Variants in MTMR10 observed in about 807,000 individuals in gnomAD.
The protein encoded by MTMR10 is myotubularin related protein 10.
A neutral mutation model predicts 88.1 loss-of-function variants in MTMR10; 56 were observed. The observed-to-expected ratio is 0.64, with a 90% CI of 0.51 to 0.79. The LOEUF (loss-of-function observed/expected upper bound fraction) is 0.79. Ranked by LOEUF, MTMR10 falls within the 30% of genes least tolerant of loss-of-function variation. MTMR10 has a pLI of 0.00. For missense variants in MTMR10, 883 were observed against 924.7 expected (o/e 0.95, Z 0.58); for synonymous variants, 380 against 340.9 (o/e 1.11, Z -1.26).
chr15:30,984,631 C>T (rs1459182049), intron 2 of MTMR10, among the ~76,000 whole-genome samples: 2 of 152,152 alleles, frequency 1.3e-5, no homozygotes, highest in Non-Finnish European at 2.9e-5. Flanking sequence ...GACATCTATA[C>T]AACAATGGCT....
chr15:30,962,402 T>A (rs2063414095), intron 6 of MTMR10, among the ~76,000 whole-genome samples: 1 of 152,178 alleles, frequency 6.6e-6, no homozygotes, highest in South Asian at 2.1e-4. Context: ...TCTGCTGCAT[T>A]TAAACCAGCC....
At chr15:30,937,643 G>A (rs1209498572), downstream of MTMR10, among the ~76,000 whole-genome samples, 2 of 151,264 alleles carry the variant, frequency 1.3e-5, no homozygotes, top group East Asian at 4.0e-4. Flanking sequence ...GTAGAGACGG[G>A]GTTTCACCAT....
intron 10 of MTMR10, 116 bp from the exon 11 acceptor site, chr15:30,953,747 C>T (rs1422421510): frequency 1.5e-6 from 1 of 651,702 alleles, no homozygotes; most frequent in Non-Finnish European, 2.6e-6. Flanking sequence ...AAATATCATG[C>T]ATTTTCACTT....
chr15:30,966,919 A>C (rs1020573798), intron 6 of MTMR10, among the ~76,000 whole-genome samples: 5 of 150,706 alleles, frequency 3.3e-5, no homozygotes, highest in Non-Finnish European at 7.4e-5. Flanking sequence ...TTTTAAACTA[A>C]GGAAAATTTA....
intron 11 of MTMR10, 38 bp downstream of exon 11, chr15:30,953,519 CAAAAT>C (rs2063279951): frequency 2.8e-6 from 4 of 1,442,518 alleles, no homozygotes; most frequent in Non-Finnish European, 3.8e-6. Flanking sequence ...GTAGTTATCT[CAAAAT>C]AAAAAGTTAA....
At position 30,940,343 on chromosome 15, in the gene MTMR10, C is replaced by A. The variant is rs1175561068; in HGVS notation, c.*1127G>T. ...TGCTCATTCTCCTCAACTTTGCTGTCCAAAGTTGGGGGCTGGGGGAGCACT... is the reference window on the plus strand; with the variant it reads ...TGCTCATTCTCCTCAACTTTGCTGTACAAAGTTGGGGGCTGGGGGAGCACT... On this transcript the variant is annotated 3_prime_UTR_variant, in exon 16 of 16. Coordinates refer to ENST00000435680, the MANE Select transcript of MTMR10 (RefSeq NM_017762.3). 4 of 985,350 alleles carry A rather than the reference C, an allele frequency of 4.1e-6. No homozygotes were observed. Among genetic ancestry groups the A allele is most frequent in the Non-Finnish European group, 4.8e-6 (4 of 829,878 alleles). 61.0% of individuals were successfully genotyped at this position (985,350 alleles called of 1,614,324 possible).
At position 30,955,559 on chromosome 15, in the gene MTMR10, C is replaced by T. The variant is rs28442013; in HGVS notation, c.936-666G>A. ...TGCTGGGATTACAGGCGTGAGCCACCGCGCCCGGGCTCATTCCCTTATTTC... is the reference window on the plus strand; with the variant it reads ...TGCTGGGATTACAGGCGTGAGCCACTGCGCCCGGGCTCATTCCCTTATTTC... On this transcript the variant is annotated intron_variant, in intron 9 of 15. Transcript: ENST00000435680. Among the ~76,000 whole-genome samples the T allele has an allele frequency of 1.1e-4, 16 of 152,266 alleles. No homozygotes were observed. In the East Asian group the frequency reaches 1.4e-3, roughly 13 times the overall value.
the MTMR10 span, chr15:30,928,229 A>G: frequency 1.0e-4 from 111 of 1,062,486 alleles, no homozygotes; most frequent in Admixed American, 2.6e-4. Context: ...TGAGGAGGGT[A>G]TCTGCCTATT....
chr15:30,974,440 C>CCAGA lies in MTMR10; in HGVS notation c.347_348insTCTG (p.Arg116SerfsTer16). On this transcript the variant is annotated frameshift_variant, in exon 5 of 16. Coordinates refer to ENST00000435680, the MANE Select transcript of MTMR10 (RefSeq NM_017762.3). LOFTEE classifies it high-confidence loss of function. ...GGTTGGGGCCTAGGACTTTCTGCTT[C>CCAGA]CTCTTGTGGTCGTTTACTAAAAAAG... The CCAGA allele has an allele frequency of 6.5e-7, 1 of 1,545,384 alleles. No homozygotes were observed. Among genetic ancestry groups the CCAGA allele is most frequent in the Non-Finnish European group, 8.7e-7 (1 of 1,145,522 alleles).
rs2062998411 is a variant in MTMR10, at chr15:30,940,322, C to T, written c.*1148G>A. 1.0e-6 allele frequency: 1 copy of T among 985,392 alleles called. No individual in the cohort carries two copies. Among genetic ancestry groups the T allele is most frequent in the South Asian group, 4.7e-5 (1 of 21,282 alleles). 61.0% of individuals were successfully genotyped at this position (985,392 alleles called of 1,614,324 possible). ...GATCAAGCAAACAACTGTGTCTGCT[C>T]ATTCTCCTCAACTTTGCTGTCCAAA... is the stretch of plus-strand genomic sequence containing the variant. On this transcript the variant is annotated 3_prime_UTR_variant, in exon 16 of 16. Transcript: ENST00000435680.
chr15:30,940,094 T>C lies in MTMR10; in HGVS notation c.*1376A>G, dbSNP rs916797450. The C allele has an allele frequency of 7.6e-5, 75 of 984,538 alleles. No individual in the cohort carries two copies. Among genetic ancestry groups the C allele is most frequent in the Non-Finnish European group, 8.9e-5 (74 of 829,208 alleles). The allele number at this position is 984,538 out of a possible 1,614,324, so 61.0% of individuals were successfully genotyped here. Reference sequence around the variant, plus strand: ...AAGGAAATAAGCTAACTAGACACTTTACTATAAAAATTTTCCATATCTTAG... The same window carrying C: ...AAGGAAATAAGCTAACTAGACACTTCACTATAAAAATTTTCCATATCTTAG... On this transcript the variant is annotated 3_prime_UTR_variant, in exon 16 of 16. Coordinates refer to ENST00000435680, the MANE Select transcript of MTMR10 (RefSeq NM_017762.3).
intron 2 of MTMR10, among the ~76,000 whole-genome samples, chr15:30,988,046 T>C (rs760706142): frequency 3.3e-5 from 5 of 152,334 alleles, no homozygotes; most frequent in Middle Eastern, 3.4e-3. Context: ...GTAAAAGCTC[T>C]AGCCTAGTCT....
chr15:30,967,357 A>T (rs532256515), intron 6 of MTMR10, among the ~76,000 whole-genome samples: 93 of 152,316 alleles, frequency 6.1e-4, no homozygotes, highest in Middle Eastern at 3.4e-3. Context: ...TGACTGTCAG[A>T]TATATAGACA....
intron 5 of MTMR10, among the ~76,000 whole-genome samples, chr15:30,970,788 A>G (rs1466159242): frequency 6.6e-6 from 1 of 152,174 alleles, no homozygotes; most frequent in Non-Finnish European, 1.5e-5. Flanking sequence ...TAAAAATAGC[A>G]CAATATCACA....
the MTMR10 span, chr15:30,926,583 T>A: frequency 4.1e-6 from 4 of 980,394 alleles, no homozygotes; most frequent in African/African-American, 7.0e-5. Flanking sequence ...GAGATTCATC[T>A]ACATAATATC....
chr15:30,980,919 TAATA>T (rs956881032), intron 2 of MTMR10, among the ~76,000 whole-genome samples: 22 of 152,132 alleles, frequency 1.4e-4, no homozygotes, highest in African/African-American at 4.6e-4. Flanking sequence ...GATGACTGAA[TAATA>T]AATAAATAAA....
chr15:30,988,177 G>C (rs1329885706), intron 2 of MTMR10, among the ~76,000 whole-genome samples: 1 of 152,078 alleles, frequency 6.6e-6, no homozygotes, highest in African/African-American at 2.4e-5. Context: ...TGACAGGCGA[G>C]GTAAAGCAGG....
chr15:30,925,178 C>G, the MTMR10 span: 1 of 1,614,018 alleles, frequency 6.2e-7, no homozygotes, highest in Non-Finnish European at 8.5e-7. Context: ...CAGAACGGGA[C>G]ACCGCCTTTC....
chr15:30,929,064 C>T, the MTMR10 span: 1 of 811,100 alleles, frequency 1.2e-6, no homozygotes, highest in Non-Finnish European at 1.9e-6. Context: ...GCTTTTATAT[C>T]AATTAACTTT....
Sources: allele counts gnomAD v4.1 joint callset (sites outside exome capture counted in the v4.1 genomes callset), GRCh38; gene constraint gnomAD v4.1.1; transcripts MANE v1.5; gene names NCBI Gene and HGNC (gene_info 2026-07-23, HGNC 2026-07-21).